Variants in PCDH15 observed in about 807,000 individuals in gnomAD.
PCDH15 encodes protocadherin-15.
Under a neutral mutation model 178.5 loss-of-function variants are expected in PCDH15, and 129 were observed. The observed-to-expected ratio is 0.72, with a 90% CI of 0.63 to 0.84. The LOEUF (loss-of-function observed/expected upper bound fraction) is 0.84, where lower values mean the gene tolerates loss of function less well. Ranked by LOEUF, PCDH15 falls within the 40% of genes least tolerant of loss-of-function variation. The pLI is 0.00. For missense variants in PCDH15, 2,230 were observed against 2,099.9 expected (o/e 1.06, Z -1.21); for synonymous variants, 800 against 732.0 (o/e 1.09, Z -1.50).
chr10:54,117,512 T>A (rs554020370), intron 15 of PCDH15, among the ~76,000 whole-genome samples: 1 of 152,182 alleles, frequency 6.6e-6, no homozygotes, highest in Non-Finnish European at 1.5e-5. Flanking sequence ...GTTTCCGTCC[T>A]GTTTGTGTTA....
Position 53,912,844 on chromosome 10 carries a change from A to G in PCDH15, c.3374-9474T>C, listed in dbSNP as rs549330183. On this transcript the variant is annotated intron_variant, in intron 25 of 37. Transcript: ENST00000644397. ...ATGCTCATGGATAGGAAGAATCAAT[A>G]TTGTGAAAATGGCCATACTGCCCAA... is the stretch of plus-strand genomic sequence containing the variant. 3.3e-5 allele frequency among the ~76,000 whole-genome samples: 5 copies of G among 152,320 alleles called. No homozygotes were observed. The South Asian group carries it at 1.0e-3, about 32-fold the overall frequency.
intron 2 of PCDH15, among the ~76,000 whole-genome samples, chr10:55,464,568 A>G (rs1839787249): frequency 2.0e-5 from 3 of 151,306 alleles, no homozygotes; most frequent in Admixed American, 6.6e-5. Context: ...CAACTGAATA[A>G]AGATGTATTC....
chr10:55,410,101 ATTG>A (rs1838296313), intron 2 of PCDH15, among the ~76,000 whole-genome samples: 2 of 152,070 alleles, frequency 1.3e-5, no homozygotes, highest in Non-Finnish European at 2.9e-5. Flanking sequence ...TGTTATTATT[ATTG>A]TTATTATTAT....
chr10:53,880,109 G>T (rs780702662), intron 26 of PCDH15, among the ~76,000 whole-genome samples: 59 of 152,034 alleles, frequency 3.9e-4, no homozygotes, highest in Non-Finnish European at 6.9e-4. Context: ...ATATTAACTT[G>T]TAATTTCTGA....
At chr10:53,915,082 A>C (rs376672976) in intron 25 of PCDH15, among the ~76,000 whole-genome samples, 1 of 152,208 alleles carries the variant, frequency 6.6e-6, no homozygotes, top group South Asian at 2.1e-4. Context: ...TTGAATATAC[A>C]GGTGGAAATA....
chr10:55,560,811 G>T (rs368005386), intron 2 of PCDH15, among the ~76,000 whole-genome samples: 1 of 151,740 alleles, frequency 6.6e-6, no homozygotes, highest in African/African-American at 2.4e-5. Context: ...AATGATGTTA[G>T]ATTTTTGGGC....
chr10:53,910,490 CA>C (rs2083004102), intron 25 of PCDH15, among the ~76,000 whole-genome samples: 7 of 152,060 alleles, frequency 4.6e-5, no homozygotes, highest in Admixed American at 4.6e-4. Context: ...ACACCCACAC[CA>C]AAACCCCATC....
At chr10:55,426,076 G>T (rs1441715431) in intron 2 of PCDH15, among the ~76,000 whole-genome samples, 1 of 152,142 alleles carries the variant, frequency 6.6e-6, no homozygotes, top group African/African-American at 2.4e-5. Flanking sequence ...TAACACTATG[G>T]TAAAGTTTTT....
At chr10:55,361,393 G>C (rs753316153) in intron 2 of PCDH15, among the ~76,000 whole-genome samples, 16 of 151,978 alleles carry the variant, frequency 1.1e-4, no homozygotes, top group Non-Finnish European at 2.4e-4. Context: ...ATCATAGCTA[G>C]CCATGATTCT....
At chr10:55,007,278 TA>T (rs1564710251) in intron 2 of PCDH15, among the ~76,000 whole-genome samples, 2 of 152,178 alleles carry the variant, frequency 1.3e-5, no homozygotes, top group African/African-American at 4.8e-5. Flanking sequence ...TTGTGAAAGA[TA>T]GACAGGAAAT....
At chr10:53,832,146 C>T (rs934786273) in intron 29 of PCDH15, among the ~76,000 whole-genome samples, 1 of 151,722 alleles carries the variant, frequency 6.6e-6, no homozygotes, top group Non-Finnish European at 1.5e-5. Flanking sequence ...GACCCTTCTG[C>T]CTAGGAAAAA....
chr10:54,830,500 C>G (rs1022652082), intron 3 of PCDH15, among the ~76,000 whole-genome samples: 44 of 151,750 alleles, frequency 2.9e-4, no homozygotes, highest in African/African-American at 8.7e-4. Context: ...AACCAAACAC[C>G]GCATGTTCTC....
At chr10:54,577,200 A>G (rs1050780682) in intron 2 of PCDH15, among the ~76,000 whole-genome samples, 2 of 151,726 alleles carry the variant, frequency 1.3e-5, no homozygotes, top group South Asian at 2.1e-4. Flanking sequence ...CTCCTGCCTC[A>G]GCCCCCTGAG....
intron 2 of PCDH15, among the ~76,000 whole-genome samples, chr10:55,131,851 T>C (rs1838055551): frequency 6.6e-6 from 1 of 152,160 alleles, no homozygotes; most frequent in Admixed American, 6.5e-5. Flanking sequence ...AAAAGCACCA[T>C]GAATTCTCAC....
At chr10:54,359,038 A>T (rs11815333) in intron 5 of PCDH15, among the ~76,000 whole-genome samples, 15,537 of 147,128 alleles carry the variant, frequency 0.11, 1,570 homozygotes, top group African/African-American at 0.26. Flanking sequence ...GAGGGATAGC[A>T]TTAGGAGATA....
chr10:54,806,558 A>C (rs1952781121), intron 3 of PCDH15, among the ~76,000 whole-genome samples: 1 of 146,548 alleles, frequency 6.8e-6, no homozygotes, highest in Non-Finnish European at 1.5e-5. Flanking sequence ...ATCTCGGCTC[A>C]TTGCAACTTT....
At chr10:55,363,709 C>T (rs1007645925) in intron 2 of PCDH15, among the ~76,000 whole-genome samples, 3 of 151,964 alleles carry the variant, frequency 2.0e-5, no homozygotes, top group Admixed American at 6.6e-5. Flanking sequence ...GATATCGGCT[C>T]ACTGCAACCT....
intron 20 of PCDH15, 57 bp downstream of exon 20, chr10:54,020,135 A>G (rs1398576644): frequency 2.0e-6 from 3 of 1,478,616 alleles, no homozygotes; most frequent in African/African-American, 2.8e-5. Flanking sequence ...TAGAAGGAAC[A>G]AAACCTACAT....
At chr10:54,775,294 T>A (rs1190051391) in intron 1 of PCDH15, among the ~76,000 whole-genome samples, 2 of 152,196 alleles carry the variant, frequency 1.3e-5, no homozygotes, top group Admixed American at 6.5e-5. Flanking sequence ...CAATTTCAGT[T>A]AATAGGAACT....
Sources: gnomAD v4.1 joint callset for allele counts (sites outside exome capture counted in the v4.1 genomes callset) on GRCh38, gnomAD v4.1.1 for gene constraint, MANE v1.5 for transcripts, NCBI Gene and HGNC (gene_info 2026-07-23, HGNC 2026-07-21) for gene names.